Variants in HNF1B observed in about 807,000 individuals in gnomAD.
HNF1B encodes the protein hepatocyte nuclear factor 1-beta.
In HNF1B, 8 loss-of-function variants were observed where a neutral mutation model predicts 61.7. That is an observed-to-expected ratio of 0.13 (90% CI 0.08 to 0.23). HNF1B has a LOEUF of 0.23. HNF1B is among the 10% of genes least tolerant of loss of function. The pLI is 1.00. For synonymous variants in HNF1B, 314 were observed against 287.7 expected (o/e 1.09, Z -0.93); for missense variants, 562 against 714.5 (o/e 0.79, Z 2.43).
rs149263083 is a variant in HNF1B, at chr17:37,736,878, A to G, written c.544+2562T>C. ...TGGCTCTAGCCTCTCCCAATTTTTG[A>G]AGAACTAGACTCCCACATTTGCTCC... On this transcript the variant is annotated intron_variant, in intron 2 of 8. Transcript: ENST00000617811. Among the ~76,000 whole-genome samples the G allele has an allele frequency of 3.3e-5, 5 of 152,280 alleles. No individual in the cohort carries two copies. In the East Asian group the frequency reaches 9.7e-4, roughly 29 times the overall value.
Position 37,686,689 on chromosome 17 carries a change from C to T in HNF1B, c.*683G>A, listed in dbSNP as rs144234352. ...TGCTGTCCCCATAAGTGTCCAGGCC[C>T]GCGGGAGAGGACAAGGGGCTTCACT... On this transcript the variant is annotated 3_prime_UTR_variant, in exon 9 of 9. Coordinates refer to ENST00000617811, the MANE Select transcript of HNF1B (RefSeq NM_000458.4). 179 of 166,838 alleles carry T rather than the reference C, an allele frequency of 1.1e-3. No homozygotes were observed. The highest frequency in any genetic ancestry group is 3.9e-3 in the African/African-American group (161 of 41,670). 10.3% of individuals were successfully genotyped at this position (166,838 alleles called of 1,614,324 possible).
chr17:37,708,680 T>A (rs2032831981), intron 5 of HNF1B, among the ~76,000 whole-genome samples: 1 of 152,246 alleles, frequency 6.6e-6, no homozygotes, highest in Non-Finnish European at 1.5e-5. Context: ...GAAAGACTTG[T>A]CTGTGCCTCT....
intron 8 of HNF1B, among the ~76,000 whole-genome samples, chr17:37,696,487 C>A (rs1458038214): frequency 6.6e-6 from 1 of 152,060 alleles, no homozygotes; most frequent in Non-Finnish European, 1.5e-5. Context: ...AGGGCCTCTC[C>A]CTTCTCCCTC....
chr17:37,716,341 G>A (rs923202103), intron 4 of HNF1B, among the ~76,000 whole-genome samples: 4 of 151,958 alleles, frequency 2.6e-5, no homozygotes, highest in Admixed American at 6.6e-5. Context: ...GGAACTACAG[G>A]CGCCCACCAC....
chr17:37,687,290 T>C lies in HNF1B; in HGVS notation c.*82A>G. The C allele has an allele frequency of 6.2e-7, 1 of 1,613,470 alleles. No individual in the cohort carries two copies. On this transcript the variant is annotated 3_prime_UTR_variant, in exon 9 of 9. Coordinates refer to ENST00000617811, the MANE Select transcript of HNF1B (RefSeq NM_000458.4). ...CAGGTGCTGGTCAGGTCACTGGGCT[T>C]TTCCATGACAGCTGCCCAGAGGGTG...
rs184810088 is a variant in HNF1B, at chr17:37,742,062, C to T, written c.345-2423G>A. Among the ~76,000 whole-genome samples the T allele has an allele frequency of 7.4e-3, 1,130 of 152,358 alleles. 14 individuals are homozygous for T. Among genetic ancestry groups the T allele is most frequent in the African/African-American group, 0.026 (1,066 of 41,590 alleles). ...CTAACACCGAGAAAGGCACCGGTCCCGAAGAGGGCCTGCGGCCATTGTGTC... is the reference window on the plus strand; with the variant it reads ...CTAACACCGAGAAAGGCACCGGTCCTGAAGAGGGCCTGCGGCCATTGTGTC... On this transcript the variant is annotated intron_variant, in intron 1 of 8. Coordinates refer to ENST00000617811, the MANE Select transcript of HNF1B (RefSeq NM_000458.4).
At chr17:37,708,220 TTATTA>T (rs1199252561) in intron 5 of HNF1B, among the ~76,000 whole-genome samples, 1 of 152,166 alleles carries the variant, frequency 6.6e-6, no homozygotes, top group Non-Finnish European at 1.5e-5. Context: ...GATGGACATG[TTATTA>T]TATTAACAAG....
chr17:37,720,912 G>T, intron 4 of HNF1B: 1 of 985,380 alleles, frequency 1.0e-6, no homozygotes, highest in Non-Finnish European at 1.2e-6. Context: ...GAAGAAGAAC[G>T]GCCGCTCATT....
chr17:37,689,097 A>G (rs928690538), intron 8 of HNF1B, among the ~76,000 whole-genome samples: 2 of 140,456 alleles, frequency 1.4e-5, no homozygotes, highest in Non-Finnish European at 3.0e-5. Flanking sequence ...GTGAGCCGAT[A>G]TTATGCTACT....
intron 8 of HNF1B, among the ~76,000 whole-genome samples, chr17:37,698,687 A>G (rs191426870): frequency 3.3e-5 from 5 of 152,068 alleles, no homozygotes; most frequent in Non-Finnish European, 7.4e-5. Flanking sequence ...ATCCTCAGGG[A>G]TCCCTCTTGC....
At chr17:37,731,982 G>C in intron 3 of HNF1B, 152 bp from the exon 4 acceptor site, 2 of 621,432 alleles carry the variant, frequency 3.2e-6, no homozygotes, top group South Asian at 3.8e-5. Context: ...CCTATGCAGA[G>C]AAAAGGCCAA....
intron 7 of HNF1B, 93 bp downstream of exon 7, chr17:37,700,890 T>C (rs2032543769): frequency 8.2e-7 from 1 of 1,212,552 alleles, no homozygotes; most frequent in Non-Finnish European, 1.2e-6. Context: ...ACCAAGCCAA[T>C]AAACTTCCGA....
intron 4 of HNF1B, among the ~76,000 whole-genome samples, chr17:37,723,331 C>A (rs958027744): frequency 6.6e-6 from 1 of 151,226 alleles, no homozygotes; most frequent in Non-Finnish European, 1.5e-5. Flanking sequence ...TGGGAGATAG[C>A]GAGACTCTGT....
chr17:37,739,662 A>G, intron 1 of HNF1B, 23 bp from the exon 2 acceptor site: 1 of 1,582,646 alleles, frequency 6.3e-7, no homozygotes, highest in Non-Finnish European at 8.6e-7. Context: ...GCAGATGGTT[A>G]GGGTACTAGT....
chr17:37,737,671 C>CA (rs71759311), intron 2 of HNF1B, among the ~76,000 whole-genome samples: 64,555 of 142,706 alleles, frequency 0.45, 14,555 homozygotes, highest in African/African-American at 0.53. Context: ...CTAAAAATAC[C>CA]AAAAAAAAAA....
intron 8 of HNF1B, among the ~76,000 whole-genome samples, chr17:37,689,896 C>G (rs2032135310): frequency 1.3e-5 from 2 of 152,078 alleles, no homozygotes; most frequent in Non-Finnish European, 2.9e-5. Context: ...GTACTTGGCA[C>G]TTTTTTAGAC....
At chr17:37,706,486 C>G (rs761975226) in intron 5 of HNF1B, among the ~76,000 whole-genome samples, 1 of 152,130 alleles carries the variant, frequency 6.6e-6, no homozygotes, top group South Asian at 2.1e-4. Context: ...CCTGCCCTTC[C>G]GGTCAACTCC....
At chr17:37,710,232 C>T (rs2032885536) in intron 5 of HNF1B, among the ~76,000 whole-genome samples, 2 of 152,164 alleles carry the variant, frequency 1.3e-5, no homozygotes, top group Non-Finnish European at 2.9e-5. Flanking sequence ...AAACAGTGTC[C>T]CACCGGGCTT....
chr17:37,720,916 G>A (rs1050343197), intron 4 of HNF1B: 4 of 985,232 alleles, frequency 4.1e-6, no homozygotes, highest in African/African-American at 3.5e-5. Context: ...AAGAACGGCC[G>A]CTCATTTCTG....
Sources: allele counts gnomAD v4.1 joint callset (sites outside exome capture counted in the v4.1 genomes callset), GRCh38; gene constraint gnomAD v4.1.1; transcripts MANE v1.5; gene names NCBI Gene and HGNC (gene_info 2026-07-23, HGNC 2026-07-21).